GPC6: variants seen among roughly 807,000 people sequenced by gnomAD.
GPC6 encodes glypican 6.
Under a neutral mutation model 55.2 loss-of-function variants are expected in GPC6, and 14 were observed. That is an observed-to-expected ratio of 0.25 (90% CI 0.17 to 0.40). The LOEUF is 0.40. GPC6 is among the 10% of genes least tolerant of loss of function. The probability of loss-of-function intolerance (pLI) is 1.00; values close to 1 mark genes in which losing one functional copy is unlikely to be tolerated. For missense variants in GPC6, 641 were observed against 708.5 expected, an observed-to-expected ratio of 0.90 and a Z score of 1.08; for synonymous variants, 278 against 259.6, an observed-to-expected ratio of 1.07 and a Z score of -0.68.
At chr13:93,269,796 G>A (rs117471753) in intron 1 of GPC6, among the ~76,000 whole-genome samples, 4,516 of 149,004 alleles carry the variant, frequency 0.03, 108 homozygotes, top group Non-Finnish European at 0.048. Flanking sequence ...AAAAATTAAC[G>A]GGGTGTGGAG....
chr13:93,907,210 C>T (rs2140332228), intron 3 of GPC6, among the ~76,000 whole-genome samples: 1 of 152,124 alleles, frequency 6.6e-6, no homozygotes, highest in African/African-American at 2.4e-5. Context: ...TGCAGACCTG[C>T]TATAATCCTT....
At chr13:93,344,835 T>G (rs911908333) in intron 1 of GPC6, among the ~76,000 whole-genome samples, 2 of 152,172 alleles carry the variant, frequency 1.3e-5, no homozygotes, top group Non-Finnish European at 2.9e-5. Context: ...AATGGTAAAC[T>G]TATAAAAGCC....
intron 6 of GPC6, among the ~76,000 whole-genome samples, chr13:94,317,177 G>A (rs1211315349): frequency 6.6e-6 from 1 of 152,180 alleles, no homozygotes; most frequent in Non-Finnish European, 1.5e-5. Flanking sequence ...AAATTGTAGA[G>A]CTTTGATTCA....
At chr13:94,092,084 A>T (rs1885504880) in intron 4 of GPC6, among the ~76,000 whole-genome samples, 2 of 135,508 alleles carry the variant, frequency 1.5e-5, no homozygotes, top group African/African-American at 5.6e-5. Context: ...CAATTCACAC[A>T]TCCATCACCT....
At chr13:93,902,798 T>C (rs1876432163) in intron 3 of GPC6, among the ~76,000 whole-genome samples, 1 of 152,232 alleles carries the variant, frequency 6.6e-6, no homozygotes, top group Non-Finnish European at 1.5e-5. Flanking sequence ...ATGTTCCGCA[T>C]TTTTTCATAA....
At chr13:93,690,657 A>G (rs1221968127) in intron 2 of GPC6, among the ~76,000 whole-genome samples, 13 of 152,028 alleles carry the variant, frequency 8.6e-5, no homozygotes. Flanking sequence ...ACAGAAAGCT[A>G]TGGCAAAGGA....
chr13:93,252,146 A>G (rs978933374), intron 1 of GPC6, among the ~76,000 whole-genome samples: 5 of 152,208 alleles, frequency 3.3e-5, no homozygotes, highest in African/African-American at 1.2e-4. Flanking sequence ...TAGATCTGAG[A>G]TGGAGCCCAA....
At chr13:93,423,809 A>G (rs1428852010) in intron 1 of GPC6, among the ~76,000 whole-genome samples, 1 of 152,082 alleles carries the variant, frequency 6.6e-6, no homozygotes, top group Non-Finnish European at 1.5e-5. Flanking sequence ...ATCAATAGAA[A>G]GTGCTTCATG....
chr13:94,371,099 C>T (rs1879520913), intron 6 of GPC6, among the ~76,000 whole-genome samples: 1 of 152,158 alleles, frequency 6.6e-6, no homozygotes, highest in Non-Finnish European at 1.5e-5. Flanking sequence ...TGGATCAATA[C>T]ACCAGCAGCA....
intron 1 of GPC6, among the ~76,000 whole-genome samples, chr13:93,529,976 T>C (rs1881802224): frequency 6.6e-6 from 1 of 152,204 alleles, no homozygotes; most frequent in Non-Finnish European, 1.5e-5. Flanking sequence ...AAGAATCAGA[T>C]GCATTCCATT....
At chr13:93,694,118 C>G (rs1002448218) in intron 2 of GPC6, among the ~76,000 whole-genome samples, 1 of 152,162 alleles carries the variant, frequency 6.6e-6, no homozygotes, top group African/African-American at 2.4e-5. Context: ...AATTCTCTCT[C>G]CCCCTCTCTT....
intron 2 of GPC6, among the ~76,000 whole-genome samples, chr13:93,644,407 A>G (rs1594337334): frequency 1.3e-5 from 2 of 152,216 alleles, no homozygotes; most frequent in African/African-American, 2.4e-5. Context: ...GAATCACAGC[A>G]TTATTTATAT....
chr13:93,394,227 G>A (rs1234811032), intron 1 of GPC6, among the ~76,000 whole-genome samples: 1 of 152,112 alleles, frequency 6.6e-6, no homozygotes, highest in Admixed American at 6.5e-5. Context: ...CTGTCATGGA[G>A]CTCATGGAAT....
intron 6 of GPC6, among the ~76,000 whole-genome samples, chr13:94,311,322 C>T (rs1460015594): frequency 6.6e-6 from 1 of 152,068 alleles, no homozygotes; most frequent in Non-Finnish European, 1.5e-5. Flanking sequence ...GTGCACACCA[C>T]CACACCCAGA....
At chr13:93,684,201 T>C (rs907175018) in intron 2 of GPC6, among the ~76,000 whole-genome samples, 1 of 152,152 alleles carries the variant, frequency 6.6e-6, no homozygotes, top group African/African-American at 2.4e-5. Context: ...TGTTTGTGTT[T>C]TGAGATGGAA....
rs556297778 is a variant in GPC6, at chr13:93,645,221, T to A, written c.319+99800T>A. ...GACCTTAATTTTTCATGATACCTTA[T>A]AAGTAAAATGCAATGAGAGCCTACT... is the stretch of plus-strand genomic sequence containing the variant. On this transcript the variant is annotated intron_variant, in intron 2 of 8. Coordinates refer to ENST00000377047, the MANE Select transcript of GPC6 (RefSeq NM_005708.5). Among the ~76,000 whole-genome samples the A allele has an allele frequency of 6.6e-5, 10 of 150,456 alleles. No individual in the cohort carries two copies. The South Asian group carries it at 1.7e-3, about 25-fold the overall frequency.
intron 1 of GPC6, among the ~76,000 whole-genome samples, chr13:93,418,152 G>C (rs1291122482): frequency 2.0e-5 from 3 of 151,438 alleles, no homozygotes; most frequent in Non-Finnish European, 2.9e-5. Flanking sequence ...ATTTTTGTGT[G>C]TGCATAGTAT....
chr13:94,037,480 AG>A (rs931766325), intron 4 of GPC6, among the ~76,000 whole-genome samples: 3 of 152,146 alleles, frequency 2.0e-5, no homozygotes, highest in African/African-American at 7.2e-5. Flanking sequence ...AGATCTCATT[AG>A]GAAAACATTA....
At chr13:93,789,612 T>TACTAC (rs1310596575) in intron 2 of GPC6, among the ~76,000 whole-genome samples, 1,294 of 19,110 alleles carry the variant, frequency 0.068, 86 homozygotes, top group African/African-American at 0.21. Flanking sequence ...TATATATATA[T>TACTAC]ATATATATAT....
Sources: allele counts gnomAD v4.1 joint callset (sites outside exome capture counted in the v4.1 genomes callset), GRCh38; gene constraint gnomAD v4.1.1; transcripts MANE v1.5; gene names NCBI Gene and HGNC (gene_info 2026-07-23, HGNC 2026-07-21).